The following CSMD2 variants were observed in gnomAD, a reference collection of about 807,000 sequenced individuals.
CSMD2 encodes the protein CUB and sushi domain-containing protein 2.
A neutral mutation model predicts 398.5 loss-of-function variants in CSMD2; 130 were observed. That is an observed-to-expected ratio of 0.33 (90% CI 0.28 to 0.38). CSMD2 has a LOEUF of 0.38. Among genes scored for constraint, CSMD2 ranks in the 10% least tolerant of loss-of-function variants. The pLI is 1.00. For missense variants in CSMD2, 3,829 were observed against 4,764.9 expected, an observed-to-expected ratio of 0.80 and a Z score of 5.78; for synonymous variants, 1,828 against 1,908.5, an observed-to-expected ratio of 0.96 and a Z score of 1.10.
At chr1:33,968,112 T>C (rs1468920012) in intron 3 of CSMD2, among the ~76,000 whole-genome samples, 2 of 152,186 alleles carry the variant, frequency 1.3e-5, no homozygotes, top group African/African-American at 4.8e-5. Context: ...CCGACCCATT[T>C]TCCAGCCTGG....
At chr1:33,994,573 G>C (rs1322649937) in intron 3 of CSMD2, among the ~76,000 whole-genome samples, 1 of 152,042 alleles carries the variant, frequency 6.6e-6, no homozygotes, top group Non-Finnish European at 1.5e-5. Context: ...TATATTTCCA[G>C]AGCCCAACTC....
Position 33,557,756 on chromosome 1 carries a change from G to T in CSMD2, c.8721C>A (p.Asp2907Glu). Residue 2907 changes from aspartate to glutamate, a missense_variant, in exon 55 of 71, where the codon GAC becomes GAA. By Grantham distance (45) the Asp-to-Glu change is conservative. Around this residue, in one of 5 missense-constraint regions of CSMD2, gnomAD observed 917 missense variants for 1,199.5 expected, o/e 0.76. Transcript: ENST00000373381. ...TACAGAGACACTGGGGGCGGGGACG[G>T]TCCCATGTGCCATCTCCCTGGCAGC... is the stretch of plus-strand genomic sequence containing the variant. ...VLSCQGDGTW[D>E]RPRPQCLLVS... The T allele has an allele frequency of 6.5e-7, 1 of 1,536,082 alleles. No individual in the cohort carries two copies. Among genetic ancestry groups the T allele is most frequent in the Non-Finnish European group, 8.7e-7 (1 of 1,146,896 alleles).
chr1:33,626,638 A>G (rs1261921036), intron 32 of CSMD2, 57 bp from the exon 33 acceptor site: 2 of 1,349,648 alleles, frequency 1.5e-6, no homozygotes, highest in Non-Finnish European at 2.0e-6. Flanking sequence ...TGGGCCCAGA[A>G]GATAAAATCC....
At position 33,625,202 on chromosome 1, in the gene CSMD2, A is replaced by G. The variant is rs1025494872; in HGVS notation, c.5349T>C (p.Tyr1783=). 4.3e-6 allele frequency: 7 copies of G among 1,613,272 alleles called. No homozygotes were observed. In the African/African-American group the frequency reaches 6.7e-5, roughly 15 times the overall value. The change falls in exon 34 of 71, where the codon TAT becomes TAC. Residue 1783 remains tyrosine, a synonymous_variant. Transcript: ENST00000373381. ...TQCSSVPEPR[Y]GKRLGSDFSV... ...AGAAGTCACTGCCCAGCCTCTTGCC[A>G]TAGCGGGGTTCCGGCACAGAGCTGC...
intron 15 of CSMD2, among the ~76,000 whole-genome samples, chr1:33,729,587 G>A (rs997095610): frequency 5.3e-5 from 8 of 149,744 alleles, no homozygotes; most frequent in African/African-American, 9.9e-5. Context: ...CCATTAACTC[G>A]TCATTTAGCA....
intron 55 of CSMD2, among the ~76,000 whole-genome samples, chr1:33,550,560 A>G (rs1358901093): frequency 7.2e-5 from 11 of 152,248 alleles, no homozygotes; most frequent in Admixed American, 7.2e-4. Context: ...AATGAGGAAT[A>G]ATACCTTCTC....
intron 3 of CSMD2, among the ~76,000 whole-genome samples, chr1:33,947,544 C>G (rs1339698431): frequency 6.6e-6 from 1 of 152,180 alleles, no homozygotes; most frequent in African/African-American, 2.4e-5. Flanking sequence ...TTGTATTTTA[C>G]TGGAAGAAGC....
At position 34,096,128 on chromosome 1, in the gene CSMD2, T is replaced by G. The variant is rs1659269923; in HGVS notation, c.188-6935A>C. Reference sequence around the variant, plus strand: ...AATATACGCAAATCAATAAATGTAATCCAGCATATAAACAGAGCCAAAGAC... The same window carrying G: ...AATATACGCAAATCAATAAATGTAAGCCAGCATATAAACAGAGCCAAAGAC... On this transcript the variant is annotated intron_variant, in intron 1 of 70. Coordinates refer to ENST00000373381, the MANE Select transcript of CSMD2 (RefSeq NM_001281956.2). Among the ~76,000 whole-genome samples, 3 of 152,068 alleles carry G rather than the reference T, an allele frequency of 2.0e-5. No homozygotes were observed. In the South Asian group the frequency reaches 6.2e-4, roughly 32 times the overall value.
intron 28 of CSMD2, among the ~76,000 whole-genome samples, chr1:33,647,607 C>T (rs187864713): frequency 7.8e-4 from 119 of 152,236 alleles, no homozygotes; most frequent in Middle Eastern, 3.4e-3. Context: ...TGCACAGGAT[C>T]TAATGTGAGG....
intron 3 of CSMD2, among the ~76,000 whole-genome samples, chr1:34,022,919 C>A (rs937340398): frequency 6.6e-6 from 1 of 152,158 alleles, no homozygotes; most frequent in East Asian, 1.9e-4. Context: ...CCAGCCTCAA[C>A]CCCCTGGGCT....
intron 1 of CSMD2, among the ~76,000 whole-genome samples, chr1:34,152,409 T>C (rs1305300534): frequency 1.3e-5 from 2 of 152,092 alleles, no homozygotes; most frequent in Non-Finnish European, 2.9e-5. Flanking sequence ...CCTACCCTCA[T>C]TGTGTTTTTT....
chr1:33,601,980 C>A (rs1383047958), intron 43 of CSMD2, among the ~76,000 whole-genome samples: 1 of 152,212 alleles, frequency 6.6e-6, no homozygotes, highest in Non-Finnish European at 1.5e-5. Flanking sequence ...CGGGACATCA[C>A]AAAATTCCAC....
chr1:33,834,088 T>C (rs1193135533), intron 6 of CSMD2, among the ~76,000 whole-genome samples: 6 of 113,798 alleles, frequency 5.3e-5, no homozygotes, highest in Admixed American at 1.9e-4. Flanking sequence ...AGGTAATTTA[T>C]AGACTCAATG....
chr1:33,543,263 C>T (rs1466041777), intron 57 of CSMD2, among the ~76,000 whole-genome samples: 3 of 152,114 alleles, frequency 2.0e-5, no homozygotes, highest in African/African-American at 7.2e-5. Flanking sequence ...CAAATAGGGT[C>T]CACACATGAC....
chr1:33,569,680 G>C (rs1314181071), intron 51 of CSMD2, 133 bp from the exon 52 acceptor site: 1 of 883,674 alleles, frequency 1.1e-6, no homozygotes, highest in Non-Finnish European at 1.7e-6. Context: ...CAGAATATGG[G>C]TTGTGTTGCT....
At chr1:33,616,863 A>G in intron 39 of CSMD2, 43 bp downstream of exon 39, 1 of 1,513,268 alleles carries the variant, frequency 6.6e-7, no homozygotes, top group South Asian at 1.1e-5. Flanking sequence ...GATCCCTGAG[A>G]GAAAATTGGT....
intron 2 of CSMD2, among the ~76,000 whole-genome samples, chr1:34,079,830 A>G (rs999923078): frequency 3.3e-5 from 5 of 152,176 alleles, no homozygotes; most frequent in Non-Finnish European, 7.4e-5. Flanking sequence ...GAAGACAGAT[A>G]AAAGGAAGTA....
chr1:33,602,509 A>T lies in CSMD2; in HGVS notation c.6570T>A (p.Thr2190=). 1.2e-6 allele frequency: 2 copies of T among 1,606,514 alleles called. No homozygotes were observed. The highest frequency in any genetic ancestry group is 1.7e-6 in the Non-Finnish European group (2 of 1,176,662). The part of the protein sequence containing the change: ...CGGNITSSNG[T]VYSPGFPSPY... ...GGCTAGGGAACCCCGGGGAGTACAC[A>T]GTGCCGTTGGAAGAAGTGATGTTCC... is the stretch of plus-strand genomic sequence containing the variant. The change falls in exon 43 of 71, where the codon ACT becomes ACA. Residue 2190 remains threonine (T), a synonymous_variant. Transcript: ENST00000373381.
rs368947732 is a variant in CSMD2 at position 33,749,030 on chromosome 1, A to G, written c.1847-5424T>C. ...AATCCATAATCACTTAAAAATTCAT[A>G]AAACTCTTTCCAAATAAGTTCCTGA... On this transcript the variant is annotated intron_variant, in intron 13 of 70. Transcript: ENST00000373381. Among the ~76,000 whole-genome samples the G allele has an allele frequency of 2.0e-5, 3 of 152,160 alleles. No individual in the cohort carries two copies. The South Asian group carries it at 6.2e-4, about 32-fold the overall frequency.
Sources: gnomAD v4.1 joint callset for allele counts (sites outside exome capture counted in the v4.1 genomes callset) on GRCh38, gnomAD v4.1.1 for gene constraint, gnomAD v4.1.1 regional missense constraint, MANE v1.5 for transcripts, NCBI Gene and HGNC (gene_info 2026-07-23, HGNC 2026-07-21) for gene names.